ADAMTS17: variants seen among roughly 807,000 people sequenced by gnomAD.
ADAMTS17 encodes A disintegrin and metalloproteinase with thrombospondin motifs 17.
In ADAMTS17, 113 loss-of-function variants were observed where a neutral mutation model predicts 141.5. The ratio of observed to expected loss-of-function variants is 0.80; its 90% CI spans 0.69 to 0.93. ADAMTS17 has a LOEUF of 0.93. Among genes scored for constraint, ADAMTS17 ranks in the 40% least tolerant of loss-of-function variants. The pLI, the probability that ADAMTS17 is intolerant of heterozygous loss-of-function variation, is 0.00. For missense variants in ADAMTS17, 1,659 were observed against 1,517.9 expected, an observed-to-expected ratio of 1.09 and a Z score of -1.54; for synonymous variants, 768 against 630.6, an observed-to-expected ratio of 1.22 and a Z score of -3.27.
At chr15:100,247,673 A>T (rs1420472469) in intron 7 of ADAMTS17, among the ~76,000 whole-genome samples, 4 of 152,160 alleles carry the variant, frequency 2.6e-5, no homozygotes, top group Non-Finnish European at 5.9e-5. Context: ...CACAGGGTTC[A>T]CAGCTTCTCT....
At chr15:100,077,886 A>G (rs980001139) in intron 15 of ADAMTS17, among the ~76,000 whole-genome samples, 4 of 152,354 alleles carry the variant, frequency 2.6e-5, no homozygotes, top group Admixed American at 1.3e-4. Context: ...TAAAAAACCT[A>G]TATGACAGAT....
Position 100,339,338 on chromosome 15 carries a change from G to C in ADAMTS17, c.450+1701C>G, listed in dbSNP as rs138173754. ...CTCCTTGCTGGAAACTTTACACCAAGAAGTATAAACTCTGACCTCTACAGA... is the reference window on the plus strand; with the variant it reads ...CTCCTTGCTGGAAACTTTACACCAACAAGTATAAACTCTGACCTCTACAGA... On this transcript the variant is annotated intron_variant, in intron 2 of 21. Coordinates refer to ENST00000268070, the MANE Select transcript of ADAMTS17 (RefSeq NM_139057.4). Among the ~76,000 whole-genome samples the C allele has an allele frequency of 2.7e-4, 41 of 152,306 alleles. No homozygotes were observed. The East Asian group carries it at 7.1e-3, about 27-fold the overall frequency.
chr15:100,069,463 C>G (rs897821374), intron 15 of ADAMTS17, among the ~76,000 whole-genome samples: 8 of 152,066 alleles, frequency 5.3e-5, no homozygotes, highest in South Asian at 2.1e-4. Context: ...AAGTTGAAAT[C>G]AAGGAAAAAA....
chr15:100,041,405 C>G (rs2031242081), intron 18 of ADAMTS17, among the ~76,000 whole-genome samples: 2 of 152,212 alleles, frequency 1.3e-5, no homozygotes, highest in Non-Finnish European at 1.5e-5. Context: ...AATGTTAAAT[C>G]TGGTAAAGCA....
At chr15:100,324,660 A>T (rs2045845236) in intron 3 of ADAMTS17, among the ~76,000 whole-genome samples, 2 of 152,194 alleles carry the variant, frequency 1.3e-5, no homozygotes, top group Non-Finnish European at 2.9e-5. Flanking sequence ...AGGATGGCAG[A>T]TTCAAGAATA....
Position 100,304,211 on chromosome 15 carries a change from T to A in ADAMTS17, c.617-22810A>T, listed in dbSNP as rs184714910. ...GCCTGTACTCTTGAACAACAACTTG[T>A]CTGAGTGTCACATCCTTAGGGCACA... is the stretch of plus-strand genomic sequence containing the variant. On this transcript the variant is annotated intron_variant, in intron 3 of 21. Transcript: ENST00000268070. 1.3e-3 allele frequency among the ~76,000 whole-genome samples: 194 copies of A among 152,288 alleles called. 1 individual carries two copies. Among genetic ancestry groups the A allele is most frequent in the African/African-American group, 4.6e-3 (192 of 41,560 alleles).
chr15:100,033,502 T>A (rs1476105344), intron 18 of ADAMTS17, among the ~76,000 whole-genome samples: 1 of 151,566 alleles, frequency 6.6e-6, no homozygotes, highest in Non-Finnish European at 1.5e-5. Context: ...CATTTCTCAG[T>A]CTTGGTTAGA....
chr15:100,093,743 A>G (rs1365250475), intron 15 of ADAMTS17, among the ~76,000 whole-genome samples: 1 of 152,028 alleles, frequency 6.6e-6, no homozygotes, highest in African/African-American at 2.4e-5. Context: ...GGCTGCCTCC[A>G]CCTCATGCTC....
In ADAMTS17 at chr15:100,287,304, G is replaced by A. The variant is rs545592034; in HGVS notation, c.617-5903C>T. On this transcript the variant is annotated intron_variant, in intron 3 of 21. Coordinates refer to ENST00000268070, the MANE Select transcript of ADAMTS17 (RefSeq NM_139057.4). ...AGTTGAGGAAGGAATCACAGAGTTC[G>A]AAGACTGGTTCTCTGAATTAACTCA... Among the ~76,000 whole-genome samples the A allele has an allele frequency of 2.9e-3, 446 of 152,276 alleles. 2 individuals carry two copies. The highest frequency in any genetic ancestry group is 0.01 in the Middle Eastern group (3 of 294).
intron 7 of ADAMTS17, among the ~76,000 whole-genome samples, chr15:100,201,203 CA>C (rs1461227133): frequency 6.6e-6 from 1 of 152,130 alleles, no homozygotes; most frequent in African/African-American, 2.4e-5. Context: ...TTGTAATCCC[CA>C]TGTGTCAGGG....
At chr15:100,171,953 T>G (rs2040176591) in intron 8 of ADAMTS17, among the ~76,000 whole-genome samples, 1 of 152,158 alleles carries the variant, frequency 6.6e-6, no homozygotes, top group Non-Finnish European at 1.5e-5. Context: ...CAGAATCCCC[T>G]TATCATCCCT....
intron 3 of ADAMTS17, among the ~76,000 whole-genome samples, chr15:100,306,849 C>A (rs924995098): frequency 2.6e-5 from 4 of 152,174 alleles, no homozygotes; most frequent in Admixed American, 2.6e-4. Context: ...GGCAACTGGG[C>A]ATCCTGCAAG....
At chr15:100,152,434 G>A (rs1359236430) in intron 10 of ADAMTS17, among the ~76,000 whole-genome samples, 178 bp downstream of exon 10, 2 of 152,150 alleles carry the variant, frequency 1.3e-5, no homozygotes, top group Non-Finnish European at 1.5e-5. Flanking sequence ...CTGTGAGAGT[G>A]TGTTTATGCA....
intron 7 of ADAMTS17, among the ~76,000 whole-genome samples, chr15:100,215,601 TAGTC>T (rs751957736): frequency 3.3e-5 from 5 of 152,186 alleles, no homozygotes; most frequent in Non-Finnish European, 7.4e-5. Context: ...TTCTGGCTGA[TAGTC>T]AGGGAAGTCT....
At position 100,116,857 on chromosome 15, in the gene ADAMTS17, C is replaced by T. The variant is rs2054573; in HGVS notation, c.1878G>A (p.Val626=). ...SPKKKGLLTA[V]VVDDKPCELY... ...GCCATATGCCTTTACCGTCAACCACCACGGCTGTCAGCAGGCCTTTCTTCT... is the reference window on the plus strand; with the variant it reads ...GCCATATGCCTTTACCGTCAACCACTACGGCTGTCAGCAGGCCTTTCTTCT... Residue 626 remains valine (V), a synonymous_variant, in exon 13 of 22, where the codon GTG becomes GTA. Transcript: ENST00000268070. The T allele has an allele frequency of 6.2e-7, 1 of 1,614,034 alleles. No homozygotes were observed. Among genetic ancestry groups the T allele is most frequent in the African/African-American group, 1.3e-5 (1 of 74,920 alleles).
intron 7 of ADAMTS17, among the ~76,000 whole-genome samples, chr15:100,206,982 G>T (rs1036513116): frequency 1.3e-5 from 2 of 152,206 alleles, no homozygotes; most frequent in South Asian, 2.1e-4. Flanking sequence ...GTAGGGGCTG[G>T]TAAGAGCAAA....
At chr15:100,288,521 C>G (rs558781821) in intron 3 of ADAMTS17, among the ~76,000 whole-genome samples, 1 of 152,152 alleles carries the variant, frequency 6.6e-6, no homozygotes, top group Non-Finnish European at 1.5e-5. Flanking sequence ...ATGGATCTAA[C>G]AGACAACTAC....
rs1038576369 is a variant in ADAMTS17 at position 99,973,983 on chromosome 15, G to A, written c.*419C>T. 19 of 171,222 alleles carry A rather than the reference G, an allele frequency of 1.1e-4. No individual in the cohort carries two copies. The highest frequency in any genetic ancestry group is 1.0e-3 in the East Asian group (7 of 6,948). The allele number at this position is 171,222 out of a possible 1,614,324, so 10.6% of individuals were successfully genotyped here. A position where few individuals can be genotyped will look rare whatever the true frequency, so the allele number is the denominator to read the frequency against. On this transcript the variant is annotated 3_prime_UTR_variant, in exon 22 of 22. Transcript: ENST00000268070. ...CTGCCCCTCCCTCCATGGTGTCGCC[G>A]GCTTTCAGAATAAAGCCTTTTCTAG...
At chr15:99,974,928 G>A (rs2060290228) in intron 21 of ADAMTS17, among the ~76,000 whole-genome samples, 1 of 152,194 alleles carries the variant, frequency 6.6e-6, no homozygotes, top group South Asian at 2.1e-4. Context: ...GGACATCAAA[G>A]GACCCCAAAA....
Sources: allele counts gnomAD v4.1 joint callset (sites outside exome capture counted in the v4.1 genomes callset), GRCh38; gene constraint gnomAD v4.1.1; transcripts MANE v1.5; gene names NCBI Gene and HGNC (gene_info 2026-07-23, HGNC 2026-07-21).